Variants in ITGBL1 observed in about 807,000 individuals in gnomAD.
ITGBL1 encodes the protein integrin subunit beta like 1.
A neutral mutation model predicts 68.5 loss-of-function variants in ITGBL1; 51 were observed. The observed-to-expected ratio is 0.74, with a 90% confidence interval of 0.59 to 0.94. The LOEUF (loss-of-function observed/expected upper bound fraction) is 0.94. ITGBL1 is among the 40% of genes least tolerant of loss of function. The pLI, the probability that ITGBL1 is intolerant of heterozygous loss-of-function variation, is 0.00. For synonymous variants in ITGBL1, 209 were observed against 227.3 expected (o/e 0.92, Z 0.72); for missense variants, 649 against 647.4 (o/e 1.00, Z -0.03).
At chr13:101,524,712 C>T (rs1242654118) in intron 2 of ITGBL1, among the ~76,000 whole-genome samples, 2 of 146,904 alleles carry the variant, frequency 1.4e-5, no homozygotes, top group Non-Finnish European at 3.0e-5. Context: ...GACACTAGGG[C>T]TTTATATCTA....
chr13:101,505,855 A>T (rs1442554631), intron 2 of ITGBL1, among the ~76,000 whole-genome samples: 1 of 152,224 alleles, frequency 6.6e-6, no homozygotes. Flanking sequence ...GCAGCTTTCC[A>T]GTTCTTCAGA....
intron 2 of ITGBL1, among the ~76,000 whole-genome samples, chr13:101,503,212 C>T (rs1271178683): frequency 6.6e-6 from 1 of 152,114 alleles, no homozygotes; most frequent in Non-Finnish European, 1.5e-5. Flanking sequence ...ATCTGGATCT[C>T]CTGAAAAAAT....
At chr13:101,496,253 G>T (rs1462825830) in intron 2 of ITGBL1, among the ~76,000 whole-genome samples, 2 of 152,170 alleles carry the variant, frequency 1.3e-5, no homozygotes, top group South Asian at 4.2e-4. Context: ...CTAGTGTTCA[G>T]CAGGGACACA....
At chr13:101,699,891 C>T (rs1199426998) in intron 8 of ITGBL1, among the ~76,000 whole-genome samples, 1 of 152,194 alleles carries the variant, frequency 6.6e-6, no homozygotes, top group Non-Finnish European at 1.5e-5. Context: ...GAACATTCCA[C>T]TTAGTAGACC....
intron 2 of ITGBL1, 101 bp downstream of exon 2, chr13:101,454,201 T>C: frequency 1.3e-6 from 1 of 745,170 alleles, no homozygotes; most frequent in Non-Finnish European, 2.0e-6. Flanking sequence ...ACGCCTCCCT[T>C]CACATAAGCA....
chr13:101,653,175 AAGAAG>A (rs1434890452), intron 7 of ITGBL1, among the ~76,000 whole-genome samples: 2 of 150,590 alleles, frequency 1.3e-5, no homozygotes, highest in Non-Finnish European at 3.0e-5. Flanking sequence ...CAAAGAAGAG[AAGAAG>A]AGGAGGAGGA....
chr13:101,686,202 C>A (rs1288735778), intron 7 of ITGBL1, among the ~76,000 whole-genome samples: 1 of 152,064 alleles, frequency 6.6e-6, no homozygotes, highest in Non-Finnish European at 1.5e-5. Context: ...TCCCGGCAAC[C>A]ACCACCACCA....
At chr13:101,656,424 T>C (rs1259388779) in intron 7 of ITGBL1, among the ~76,000 whole-genome samples, 2 of 152,184 alleles carry the variant, frequency 1.3e-5, no homozygotes, top group East Asian at 3.9e-4. Flanking sequence ...GGCTAAAATA[T>C]TTTGATTTTC....
At chr13:101,467,127 A>T (rs2048392573) in intron 2 of ITGBL1, among the ~76,000 whole-genome samples, 1 of 152,160 alleles carries the variant, frequency 6.6e-6, no homozygotes. Context: ...TGGAGTGCTC[A>T]TGACCTAATC....
chr13:101,455,852 T>G (rs181073247), intron 2 of ITGBL1, among the ~76,000 whole-genome samples: 26 of 152,302 alleles, frequency 1.7e-4, no homozygotes, highest in African/African-American at 6.3e-4. Flanking sequence ...GCAAGCCCTC[T>G]TCAATATCAT....
At chr13:101,615,950 C>A (rs561186904) in intron 7 of ITGBL1, among the ~76,000 whole-genome samples, 1 of 152,246 alleles carries the variant, frequency 6.6e-6, no homozygotes, top group Non-Finnish European at 1.5e-5. Context: ...TGATCTTGGA[C>A]TTCCCAGACT....
At chr13:101,467,754 A>G (rs2048402492) in intron 2 of ITGBL1, among the ~76,000 whole-genome samples, 2 of 152,320 alleles carry the variant, frequency 1.3e-5, no homozygotes, top group South Asian at 4.1e-4. Context: ...CAAGAGCCCT[A>G]TCGTTGTAAT....
At chr13:101,703,213 G>C (rs1472034689) in intron 8 of ITGBL1, among the ~76,000 whole-genome samples, 1 of 152,020 alleles carries the variant, frequency 6.6e-6, no homozygotes, top group Non-Finnish European at 1.5e-5. Flanking sequence ...ATTCAGAGGA[G>C]AGACAATGAG....
chr13:101,568,133 G>A (rs1165489041), intron 3 of ITGBL1, among the ~76,000 whole-genome samples: 6 of 152,002 alleles, frequency 3.9e-5, no homozygotes, highest in East Asian at 1.9e-4. Flanking sequence ...ATTGAATACC[G>A]GATTACATCT....
chr13:101,547,334 C>T (rs2049843523), intron 2 of ITGBL1, among the ~76,000 whole-genome samples: 1 of 151,852 alleles, frequency 6.6e-6, no homozygotes, highest in Admixed American at 6.6e-5. Flanking sequence ...AATTTATTAA[C>T]TTCTGCTATC....
intron 2 of ITGBL1, among the ~76,000 whole-genome samples, chr13:101,565,247 T>C (rs1001750176): frequency 2.6e-5 from 4 of 152,166 alleles, no homozygotes; most frequent in African/African-American, 7.2e-5. Context: ...CACAATAATA[T>C]AGCAACCTAA....
At position 101,542,438 on chromosome 13, in the gene ITGBL1, C is replaced by T. The variant is rs150133499; in HGVS notation, c.317-25261C>T. On this transcript the variant is annotated intron_variant, in intron 2 of 10. Transcript: ENST00000376180. ...CTGAGAGACAGTTTGTTGTAATTTC[C>T]GTTCTTTTACATTTGCTGAGGAGTG... 4.5e-4 allele frequency among the ~76,000 whole-genome samples: 69 copies of T among 152,146 alleles called. 2 individuals are homozygous for T. In the East Asian group the frequency reaches 9.1e-3, roughly 20 times the overall value.
At chr13:101,463,654 A>C (rs576627340) in intron 2 of ITGBL1, among the ~76,000 whole-genome samples, 11 of 152,246 alleles carry the variant, frequency 7.2e-5, no homozygotes, top group Admixed American at 3.3e-4. Context: ...CCCTCCACTG[A>C]GATGCCTGTA....
At chr13:101,494,147 A>G (rs892248180) in intron 2 of ITGBL1, among the ~76,000 whole-genome samples, 4 of 152,244 alleles carry the variant, frequency 2.6e-5, no homozygotes, top group Admixed American at 2.6e-4. Context: ...ACAGCCAAAA[A>G]GCAAACAGGG....
Sources: gnomAD v4.1 joint callset for allele counts (sites outside exome capture counted in the v4.1 genomes callset) on GRCh38, gnomAD v4.1.1 for gene constraint, MANE v1.5 for transcripts, NCBI Gene and HGNC (gene_info 2026-07-23, HGNC 2026-07-21) for gene names.